Variants in OTULIN observed in about 807,000 individuals in gnomAD.
OTULIN encodes ubiquitin thioesterase otulin.
A neutral mutation model predicts 39.6 loss-of-function variants in OTULIN; 15 were observed. The observed-to-expected ratio is 0.38, with a 90% CI of 0.25 to 0.58. The LOEUF (loss-of-function observed/expected upper bound fraction) is 0.58, where lower values mean the gene tolerates loss of function less well. Among genes scored for constraint, OTULIN ranks in the 20% least tolerant of loss-of-function variants. OTULIN has a pLI of 0.66. For missense variants in OTULIN, 319 were observed against 445.9 expected (o/e 0.72, Z 2.56); for synonymous variants, 156 against 170.3 (o/e 0.92, Z 0.65).
downstream of OTULIN, among the ~76,000 whole-genome samples, chr5:14,703,174 T>C (rs1472637443): frequency 1.3e-5 from 2 of 152,146 alleles, no homozygotes; most frequent in Non-Finnish European, 2.9e-5. Context: ...TTTCCTTTTG[T>C]TTAAAGCCCA....
chr5:14,691,414 G>A (rs551707024), intron 6 of OTULIN, among the ~76,000 whole-genome samples: 7 of 152,226 alleles, frequency 4.6e-5, no homozygotes, highest in African/African-American at 1.7e-4. Flanking sequence ...TCACTGCTGG[G>A]TCAGGCAGGG....
intron 3 of OTULIN, among the ~76,000 whole-genome samples, chr5:14,681,115 T>C (rs1475710106): frequency 6.6e-6 from 1 of 152,222 alleles, no homozygotes; most frequent in Non-Finnish European, 1.5e-5. Context: ...TAGACTTTTA[T>C]GTGTACATGC....
chr5:14,678,211 A>G (rs1038199780), intron 2 of OTULIN, among the ~76,000 whole-genome samples: 1 of 152,200 alleles, frequency 6.6e-6, no homozygotes, highest in Non-Finnish European at 1.5e-5. Context: ...GGAGGGAGGG[A>G]GCAGCTCTGC....
rs927749469 is a variant in OTULIN at position 14,687,613 on chromosome 5, A to T, written c.561A>T (p.Lys187Asn). The T allele has an allele frequency of 1.9e-6, 3 of 1,613,908 alleles. No homozygotes were observed. The highest frequency in any genetic ancestry group is 2.5e-6 in the Non-Finnish European group (3 of 1,179,998). ...FDGKNEDLVD[K>N]IKESLTLLRK... ...GGAAGAATGAGGACCTGGTTGATAA[A>T]ATTAAAGAGTCCCTTACTCTGCTGA... The change falls in exon 5 of 7, where the codon AAA becomes AAT. Residue 187 changes from lysine to asparagine, a missense_variant. By Grantham distance (94) the Lys-to-Asn change is moderately conservative (BLOSUM62 0). Around this residue, in one of 4 missense-constraint regions of OTULIN, gnomAD observed 54 missense variants for 50.7 expected, o/e 1.07. Coordinates refer to ENST00000284274, the MANE Select transcript of OTULIN (RefSeq NM_138348.6).
intron 4 of OTULIN, among the ~76,000 whole-genome samples, chr5:14,682,189 C>T (rs750864470): frequency 2.2e-4 from 33 of 152,130 alleles, no homozygotes; most frequent in Non-Finnish European, 1.8e-4. Flanking sequence ...TGTCCTGACA[C>T]GGATAAAGGC....
the OTULIN span, among the ~76,000 whole-genome samples, chr5:14,715,660 T>C: frequency 2.0e-5 from 3 of 152,230 alleles, no homozygotes; most frequent in Admixed American, 6.5e-5. Flanking sequence ...GAGTTACTTA[T>C]ACAAAAAGAA....
Position 14,690,021 on chromosome 5 carries a change from A to C in OTULIN, c.595-18A>C, listed in dbSNP as rs775419226. ...TTAGAACAAAAATTCTAATTATTAC[A>C]TAACTTTCTTATTGTAGTGGGCAGG... On this transcript the variant is annotated intron_variant, in intron 5 of 6. Transcript: ENST00000284274. This position sits in a 1 kb window ranked among gnomAD's most constrained non-coding sequence, Gnocchi z 4.5. 6.2e-7 allele frequency: 1 copy of C among 1,602,330 alleles called. No individual in the cohort carries two copies. Among genetic ancestry groups the C allele is most frequent in the Non-Finnish European group, 8.5e-7 (1 of 1,174,552 alleles).
chr5:14,681,375 C>T, intron 3 of OTULIN, 89 bp from the exon 4 acceptor site: 1 of 1,486,166 alleles, frequency 6.7e-7, no homozygotes, highest in Non-Finnish European at 9.0e-7. Flanking sequence ...CCAGTGATCC[C>T]AGGCCAAGCT....
chr5:14,688,822 G>A (rs921014761), intron 5 of OTULIN, among the ~76,000 whole-genome samples: 19 of 152,106 alleles, frequency 1.2e-4, no homozygotes, highest in Admixed American at 7.9e-4. Context: ...GCCCTTCAGC[G>A]CAACCACAGG....
At chr5:14,688,562 G>A (rs1245450570) in intron 5 of OTULIN, among the ~76,000 whole-genome samples, 1 of 152,152 alleles carries the variant, frequency 6.6e-6, no homozygotes. Flanking sequence ...GTGAACTGAG[G>A]GCCCTGACTT....
the OTULIN span, chr5:14,712,946 G>C: frequency 6.2e-7 from 1 of 1,613,466 alleles, no homozygotes; most frequent in Non-Finnish European, 8.5e-7. Flanking sequence ...CCAGGAGGGA[G>C]CCCACGCCCA....
chr5:14,673,500 T>C (rs1474324831), intron 1 of OTULIN, 142 bp from the exon 2 acceptor site: 2 of 496,890 alleles, frequency 4.0e-6, no homozygotes, highest in African/African-American at 4.0e-5. Context: ...GATAGAAGAC[T>C]CATATTTTAT....
At chr5:14,712,959 G>A in the OTULIN span, 8 of 1,613,074 alleles carry the variant, frequency 5.0e-6, no homozygotes, top group Non-Finnish European at 6.8e-6. Flanking sequence ...CACGCCCAGG[G>A]TCGCACCGTG....
At chr5:14,711,090 A>AAAAC in the OTULIN span, 3 of 1,052,830 alleles carry the variant, frequency 2.8e-6, no homozygotes, top group East Asian at 7.1e-5. Context: ...TTTCATTACC[A>AAAAC]AAACAAAACA....
the OTULIN span, chr5:14,713,111 G>A: frequency 7.1e-6 from 6 of 848,682 alleles, no homozygotes; most frequent in Non-Finnish European, 1.1e-5. The surrounding 1 kb of genome is among the most constrained non-coding windows in gnomAD (Gnocchi z 4.4). Context: ...GGCTTCGTAA[G>A]GGCCGCAGCT....
chr5:14,684,280 T>G (rs1403547930), intron 4 of OTULIN, among the ~76,000 whole-genome samples: 1 of 152,264 alleles, frequency 6.6e-6, no homozygotes, highest in Non-Finnish European at 1.5e-5. Flanking sequence ...TGTTCTTTCC[T>G]TGCTGTCATC....
chr5:14,706,204 A>G, the OTULIN span: 1 of 152,204 alleles, frequency 6.6e-6, no homozygotes, highest in Non-Finnish European at 1.5e-5. Context: ...CCTAACTTAA[A>G]AACAGGTACT....
At chr5:14,666,486 A>T (rs961350306) in intron 1 of OTULIN, among the ~76,000 whole-genome samples, 2 of 152,110 alleles carry the variant, frequency 1.3e-5, no homozygotes, top group Admixed American at 6.5e-5. Flanking sequence ...AGAGACCCTG[A>T]TGCATCAATG....
At chr5:14,704,902 A>T in the OTULIN span, 4 of 152,260 alleles carry the variant, frequency 2.6e-5, no homozygotes, top group Non-Finnish European at 5.9e-5. Context: ...GAAACAAAGC[A>T]TATATAAATG....
Sources: gnomAD v4.1 joint callset for allele counts (sites outside exome capture counted in the v4.1 genomes callset) on GRCh38, gnomAD v4.1.1 for gene constraint, gnomAD v4.1.1 regional missense constraint, Gnocchi (gnomAD v3.1) non-coding constraint, MANE v1.5 for transcripts, NCBI Gene and HGNC (gene_info 2026-07-23, HGNC 2026-07-21) for gene names.